Variants in RGS7 observed in about 807,000 individuals in gnomAD.
The protein encoded by RGS7 is regulator of G protein signaling 7, also known as regulator of G-protein signaling 7.
RGS7 carries 27 observed loss-of-function variants against 81.1 expected under a neutral mutation model. The ratio of observed to expected loss-of-function variants is 0.33; its 90% CI spans 0.25 to 0.46. RGS7 has a LOEUF of 0.46. RGS7 is among the 20% of genes least tolerant of loss of function. RGS7 has a pLI of 1.00. For missense variants in RGS7, 396 were observed against 607.4 expected (o/e 0.65, Z 3.66); for synonymous variants, 208 against 207.7 (o/e 1.00, Z -0.01).
At chr1:241,349,252 T>C (rs1398606434) in intron 2 of RGS7, among the ~76,000 whole-genome samples, 1 of 152,198 alleles carries the variant, frequency 6.6e-6, no homozygotes, top group Non-Finnish European at 1.5e-5. Context: ...AAACCAAGAC[T>C]TCCCAATTCT....
intron 9 of RGS7, among the ~76,000 whole-genome samples, chr1:240,867,144 G>T (rs765526775): frequency 6.6e-6 from 1 of 152,180 alleles, no homozygotes; most frequent in Non-Finnish European, 1.5e-5. Context: ...ATTCTCAGTT[G>T]ATTCTCTTTG....
At chr1:241,220,994 G>GAAGGAAGA (rs1553289421) in intron 2 of RGS7, among the ~76,000 whole-genome samples, 30 of 93,592 alleles carry the variant, frequency 3.2e-4, no homozygotes, top group Admixed American at 3.7e-4. Context: ...AGGAAGGAAG[G>GAAGGAAGA]AAGAGAGAGA....
chr1:241,186,702 T>C (rs1219343569), intron 2 of RGS7, among the ~76,000 whole-genome samples: 1 of 151,774 alleles, frequency 6.6e-6, no homozygotes, highest in Non-Finnish European at 1.5e-5. Context: ...TTTTTTTTTA[T>C]TTTTAGTAGA....
At chr1:241,188,285 T>TCA (rs59722851) in intron 2 of RGS7, among the ~76,000 whole-genome samples, 45,251 of 147,904 alleles carry the variant, frequency 0.31, 7,404 homozygotes, top group East Asian at 0.41. Flanking sequence ...TCTTTTATCC[T>TCA]CACACACACA....
At chr1:240,934,224 TG>T (rs1275705133) in intron 5 of RGS7, among the ~76,000 whole-genome samples, 3 of 152,240 alleles carry the variant, frequency 2.0e-5, no homozygotes, top group Non-Finnish European at 2.9e-5. Flanking sequence ...CCTCTCAAAG[TG>T]CTGGGATCAC....
intron 14 of RGS7, among the ~76,000 whole-genome samples, chr1:240,807,145 TTGA>T (rs1284779461): frequency 6.6e-6 from 1 of 152,232 alleles, no homozygotes; most frequent in Non-Finnish European, 1.5e-5. Flanking sequence ...TGTGTTTTGG[TTGA>T]TAATAGCAAG....
At chr1:240,829,226 T>G (rs1181637243) in intron 9 of RGS7, among the ~76,000 whole-genome samples, 3 of 152,280 alleles carry the variant, frequency 2.0e-5, no homozygotes, top group Non-Finnish European at 2.9e-5. Flanking sequence ...TGAGTTTGGT[T>G]TGCATATCTA....
intron 6 of RGS7, among the ~76,000 whole-genome samples, chr1:240,889,836 G>C (rs1667991002): frequency 6.6e-6 from 1 of 152,132 alleles, no homozygotes; most frequent in African/African-American, 2.4e-5. Context: ...GATCTGAAAA[G>C]AGCCCTGGCC....
chr1:240,946,280 C>T (rs1442693147), intron 4 of RGS7, among the ~76,000 whole-genome samples: 4 of 151,906 alleles, frequency 2.6e-5, no homozygotes, highest in Non-Finnish European at 5.9e-5. Context: ...TTGTAATTAG[C>T]CAGAATTTAA....
chr1:240,853,408 C>A (rs1487618338), intron 9 of RGS7, among the ~76,000 whole-genome samples: 1 of 152,168 alleles, frequency 6.6e-6, no homozygotes, highest in Non-Finnish European at 1.5e-5. Flanking sequence ...GCGTAAGATA[C>A]AACTTCTTGG....
chr1:241,272,691 T>C (rs1420778017), intron 2 of RGS7, among the ~76,000 whole-genome samples: 1 of 152,198 alleles, frequency 6.6e-6, no homozygotes, highest in South Asian at 2.1e-4. Context: ...CAGTTACCTG[T>C]GATTAGATAA....
intron 6 of RGS7, among the ~76,000 whole-genome samples, chr1:240,890,137 T>C (rs1668044802): frequency 6.6e-6 from 1 of 152,186 alleles, no homozygotes; most frequent in South Asian, 2.1e-4. Context: ...ACATACTTCC[T>C]TGATCTCTGG....
chr1:240,897,626 T>C (rs1429957078), intron 6 of RGS7, among the ~76,000 whole-genome samples: 1 of 152,208 alleles, frequency 6.6e-6, no homozygotes, highest in Non-Finnish European at 1.5e-5. Flanking sequence ...ATCCCAGGGA[T>C]AAAGCCAACT....
chr1:241,149,018 C>T (rs920940844), intron 2 of RGS7, among the ~76,000 whole-genome samples: 1 of 152,230 alleles, frequency 6.6e-6, no homozygotes, highest in African/African-American at 2.4e-5. Context: ...ATTAAATGAT[C>T]TTCAATGTCC....
In RGS7 at chr1:241,210,142, C is replaced by CAT. The variant is rs550155012; in HGVS notation, c.79-111382_79-111381dup. ...AGGTTAGCATGACCAGGAATGCAAC[C>CAT]ATATATATATATATTTTTTCTTTTT... is the stretch of plus-strand genomic sequence containing the variant. On this transcript the variant is annotated intron_variant, in intron 2 of 18. Transcript: ENST00000440928. Among the ~76,000 whole-genome samples the CAT allele has an allele frequency of 5.2e-3, 794 of 151,676 alleles. 6 individuals carry two copies. The highest frequency in any genetic ancestry group is 0.018 in the African/African-American group (736 of 41,260).
chr1:240,972,699 AAAAAAAAAAAAC>A (rs898059409), intron 4 of RGS7, among the ~76,000 whole-genome samples: 12 of 39,412 alleles, frequency 3.0e-4, no homozygotes, highest in African/African-American at 6.3e-4. Flanking sequence ...AGTATAATAA[AAAAAAAAAAAAC>A]AAAAAAAAAA....
rs1406405491 is a variant in RGS7, at chr1:240,868,885, T to G, written c.451-33A>C. The G allele has an allele frequency of 2.5e-6, 4 of 1,596,248 alleles. No individual in the cohort carries two copies. Among genetic ancestry groups the G allele is most frequent in the Non-Finnish European group, 3.4e-6 (4 of 1,163,830 alleles). On this transcript the variant is annotated intron_variant, in intron 7 of 18. Transcript: ENST00000440928. This position sits in a 1 kb window ranked among gnomAD's most constrained non-coding sequence, Gnocchi z 5.1. ...ACATACCCCAGGTGAAGACATTTGG[T>G]GTTCATTGTCACTGCTCTCTTCTAG...
intron 2 of RGS7, among the ~76,000 whole-genome samples, chr1:241,188,455 A>G (rs1219697314): frequency 6.6e-6 from 1 of 152,182 alleles, no homozygotes; most frequent in East Asian, 1.9e-4. Context: ...CAAGAATAAA[A>G]AGAGAACCTT....
intron 3 of RGS7, among the ~76,000 whole-genome samples, chr1:241,031,688 T>C (rs1192779783): frequency 1.3e-5 from 2 of 152,232 alleles, no homozygotes; most frequent in Admixed American, 6.5e-5. Context: ...TAAGATGATA[T>C]CTTATTGTGG....
Sources: gnomAD v4.1 joint callset for allele counts (sites outside exome capture counted in the v4.1 genomes callset) on GRCh38, gnomAD v4.1.1 for gene constraint, Gnocchi (gnomAD v3.1) non-coding constraint, MANE v1.5 for transcripts, NCBI Gene and HGNC (gene_info 2026-07-23, HGNC 2026-07-21) for gene names.